Variants in USP32 observed in about 807,000 individuals in gnomAD.
The protein encoded by USP32 is ubiquitin specific peptidase 32, also known as ubiquitin carboxyl-terminal hydrolase 32.
A neutral mutation model predicts 204.8 loss-of-function variants in USP32; 59 were observed. The observed-to-expected ratio is 0.29, with a 90% CI of 0.23 to 0.36. The LOEUF (loss-of-function observed/expected upper bound fraction) is 0.36. Ranked by LOEUF, USP32 falls within the 10% of genes least tolerant of loss-of-function variation. USP32 has a pLI of 1.00. For missense variants in USP32, 1,160 were observed against 1,946.4 expected (o/e 0.60, Z 7.60); for synonymous variants, 517 against 678.4 (o/e 0.76, Z 3.70).
chr17:60,248,229 G>C (rs2086084580), intron 11 of USP32, among the ~76,000 whole-genome samples: 1 of 152,110 alleles, frequency 6.6e-6, no homozygotes, highest in Admixed American at 6.6e-5. Context: ...GTTTCAAAAA[G>C]TCAGCTGTTT....
intron 11 of USP32, among the ~76,000 whole-genome samples, chr17:60,237,598 C>T (rs76940479): frequency 0.022 from 3,304 of 152,254 alleles, 138 homozygotes; most frequent in African/African-American, 0.075. Context: ...TTACCCACTT[C>T]GCCCAGACCT....
chr17:60,421,608 C>T (rs1343615974), intron 1 of USP32: 1 of 980,958 alleles, frequency 1.0e-6, no homozygotes, highest in Non-Finnish European at 1.2e-6. Flanking sequence ...GCAACGGTCT[C>T]TCGTCGCCGG....
intron 2 of USP32, among the ~76,000 whole-genome samples, chr17:60,340,748 C>T (rs545905301): frequency 1.3e-5 from 2 of 152,268 alleles, no homozygotes; most frequent in South Asian, 4.1e-4. Flanking sequence ...TTAATTGATG[C>T]AGTTTCTTCA....
chr17:60,341,466 A>C (rs1359022617), intron 2 of USP32, among the ~76,000 whole-genome samples: 1 of 151,224 alleles, frequency 6.6e-6, no homozygotes, highest in Non-Finnish European at 1.5e-5. Flanking sequence ...TTCCGGGTTG[A>C]AAATTCTTTA....
At position 60,269,569 on chromosome 17, in the gene USP32, G is replaced by T; in HGVS notation, c.704-12C>A. 6.3e-7 allele frequency: 1 copy of T among 1,582,418 alleles called. No homozygotes were observed. The highest frequency in any genetic ancestry group is 1.2e-5 in the South Asian group (1 of 86,514). ...AGCATTAAACAAACCTGTAAAATAG[G>T]AAGAGATGCCATAAATCACAGCCAA... On this transcript the variant is annotated splice_polypyrimidine_tract_variant and intron_variant, in intron 6 of 33. Coordinates refer to ENST00000300896, the MANE Select transcript of USP32 (RefSeq NM_032582.4).
At chr17:60,294,432 A>G (rs535442332) in intron 4 of USP32, among the ~76,000 whole-genome samples, 22 of 141,924 alleles carry the variant, frequency 1.6e-4, no homozygotes, top group African/African-American at 5.9e-4. Flanking sequence ...GTGTGAGTAT[A>G]TAGAATTGTG....
In USP32 at chr17:60,415,091, G is replaced by A. The variant is rs139716093; in HGVS notation, c.106+7155C>T. Among the ~76,000 whole-genome samples, 225 of 152,244 alleles carry A rather than the reference G, an allele frequency of 1.5e-3. 1 individual carries two copies. The highest frequency in any genetic ancestry group is 5.2e-3 in the African/African-American group (218 of 41,538). On this transcript the variant is annotated intron_variant, in intron 1 of 3. Coordinates refer to the USP32 transcript ENST00000588898. The stretch of plus-strand genomic sequence containing the variant: ...AATTTTTCGTTATTTTCATGCTTGG[G>A]GAGGGTGGTATCCAGCAGGTCCCTA...
At chr17:60,355,644 T>G (rs1367449816) in intron 1 of USP32, among the ~76,000 whole-genome samples, 2 of 151,716 alleles carry the variant, frequency 1.3e-5, no homozygotes, top group African/African-American at 4.8e-5. Flanking sequence ...CCTAAGAGTT[T>G]AAGACCAGCC....
chr17:60,288,250 G>A (rs1273641290), intron 5 of USP32, among the ~76,000 whole-genome samples: 2 of 149,824 alleles, frequency 1.3e-5, no homozygotes, highest in South Asian at 2.1e-4. Flanking sequence ...GACCAGCATA[G>A]GCAATATAGA....
intron 22 of USP32, 142 bp downstream of exon 22, chr17:60,209,228 A>C: frequency 9.9e-7 from 1 of 1,005,752 alleles, no homozygotes; most frequent in Non-Finnish European, 1.3e-6. Context: ...ATAAGAATTA[A>C]GCACAGAAAT....
At chr17:60,297,525 T>C (rs190170647) in intron 3 of USP32, among the ~76,000 whole-genome samples, 106 of 151,994 alleles carry the variant, frequency 7.0e-4, no homozygotes, top group African/African-American at 2.5e-3. Context: ...CTCGGCTCAC[T>C]GCAACCTCCA....
intron 1 of USP32, among the ~76,000 whole-genome samples, chr17:60,391,138 C>T (rs2089827085): frequency 6.6e-6 from 1 of 152,180 alleles, no homozygotes; most frequent in South Asian, 2.1e-4. Flanking sequence ...GCTGGACTTC[C>T]CAATGCCATT....
Position 60,319,756 on chromosome 17 carries a change from G to T in USP32, c.187-18052C>A, listed in dbSNP as rs991152303. 2.6e-5 allele frequency among the ~76,000 whole-genome samples: 4 copies of T among 152,192 alleles called. No homozygotes were observed. In the East Asian group the frequency reaches 7.7e-4, roughly 29 times the overall value. ...GATAGCGCCACTGCACTCCAGCCTG[G>T]ATGACAGAGTGAGACCCCATCTCAA... On this transcript the variant is annotated intron_variant, in intron 2 of 33. Transcript: ENST00000300896.
At chr17:60,196,282 A>G (rs1421174549) in intron 27 of USP32, among the ~76,000 whole-genome samples, 1 of 151,468 alleles carries the variant, frequency 6.6e-6, no homozygotes, top group Non-Finnish European at 1.5e-5. Flanking sequence ...AAAAAAGAAA[A>G]AAAAAAAAGA....
intron 18 of USP32, among the ~76,000 whole-genome samples, 164 bp from the exon 19 acceptor site, chr17:60,212,262 G>A (rs894428371): frequency 6.6e-6 from 1 of 152,022 alleles, no homozygotes; most frequent in Non-Finnish European, 1.5e-5. Context: ...TCTGAGAAAT[G>A]CATCATTAGG....
intron 22 of USP32, 69 bp from the exon 23 acceptor site, chr17:60,208,897 G>A (rs1328566264): frequency 2.8e-6 from 4 of 1,450,662 alleles, no homozygotes; most frequent in Non-Finnish European, 2.7e-6. Flanking sequence ...TAAATTCAAA[G>A]AAGCTAGTTA....
chr17:60,422,409 A>AG (rs2090132012), exon 1 of USP32: 1 of 1,441,264 alleles, frequency 6.9e-7, no homozygotes, highest in Non-Finnish European at 9.2e-7. Context: ...GCCACCCCTA[A>AG]GAATGAGGAA....
chr17:60,282,838 T>C (rs2087002018), intron 5 of USP32, among the ~76,000 whole-genome samples: 1 of 152,314 alleles, frequency 6.6e-6, no homozygotes, highest in East Asian at 1.9e-4. Context: ...GAATGTACAC[T>C]TTAAGAGGCT....
intron 2 of USP32, among the ~76,000 whole-genome samples, chr17:60,341,835 C>T (rs1043564640): frequency 1.3e-5 from 2 of 152,098 alleles, no homozygotes; most frequent in Admixed American, 1.3e-4. Flanking sequence ...AGCTTCCTTG[C>T]GATGGGTTCG....
Sources: allele counts gnomAD v4.1 joint callset (sites outside exome capture counted in the v4.1 genomes callset), GRCh38; gene constraint gnomAD v4.1.1; transcripts MANE v1.5; gene names NCBI Gene and HGNC (gene_info 2026-07-23, HGNC 2026-07-21).